Variants in RHBDD1 observed in about 807,000 individuals in gnomAD.
The protein encoded by RHBDD1 is rhomboid-related protein 4.
Under a neutral mutation model 36.3 loss-of-function variants are expected in RHBDD1, and 38 were observed. That is an observed-to-expected ratio of 1.05 (90% CI 0.81 to 1.37). RHBDD1 has a LOEUF of 1.37. Among genes scored for constraint, RHBDD1 ranks in the 40% most tolerant of loss-of-function variants. RHBDD1 has a pLI of 0.00. For missense variants in RHBDD1, 393 were observed against 377.6 expected (o/e 1.04, Z -0.34); for synonymous variants, 151 against 136.5 (o/e 1.11, Z -0.74).
chr2:226,881,990 G>C (rs1415645889), intron 5 of RHBDD1, among the ~76,000 whole-genome samples: 1 of 152,188 alleles, frequency 6.6e-6, no homozygotes, highest in Non-Finnish European at 1.5e-5. Context: ...TATAGTAATA[G>C]ACCTTAACTA....
chr2:226,879,929 T>C (rs1249549933), intron 5 of RHBDD1, among the ~76,000 whole-genome samples: 1 of 152,186 alleles, frequency 6.6e-6, no homozygotes, highest in Non-Finnish European at 1.5e-5. Context: ...GTCTCAGATT[T>C]AGGTTTCTAA....
chr2:226,912,411 A>G (rs1164614156), intron 7 of RHBDD1, among the ~76,000 whole-genome samples: 5 of 152,208 alleles, frequency 3.3e-5, no homozygotes, highest in African/African-American at 4.8e-5. Context: ...ACAAATGTTT[A>G]TAGCAGCATT....
intron 5 of RHBDD1, among the ~76,000 whole-genome samples, chr2:226,900,312 G>A (rs1359256708): frequency 2.0e-5 from 3 of 152,086 alleles, no homozygotes; most frequent in Non-Finnish European, 4.4e-5. Flanking sequence ...GAATCGTGAC[G>A]TTATTGGTTA....
chr2:226,937,462 C>T (rs2149134036), intron 8 of RHBDD1, among the ~76,000 whole-genome samples: 1 of 151,994 alleles, frequency 6.6e-6, no homozygotes. Flanking sequence ...TTCAGGGGTA[C>T]ATGTGCAGGA....
chr2:226,952,354 A>G (rs921226970), intron 8 of RHBDD1, among the ~76,000 whole-genome samples: 5 of 136,358 alleles, frequency 3.7e-5, no homozygotes, highest in Non-Finnish European at 6.1e-5. Flanking sequence ...CTGGAGTGCA[A>G]TGGCACTATC....
intron 7 of RHBDD1, among the ~76,000 whole-genome samples, chr2:226,913,650 G>A (rs553069870): frequency 6.6e-6 from 1 of 151,438 alleles, no homozygotes; most frequent in South Asian, 2.1e-4. Context: ...CTTCTTTCTT[G>A]TTTTATCTAG....
chr2:226,993,739 T>C (rs1016621847), intron 8 of RHBDD1, among the ~76,000 whole-genome samples: 4 of 152,136 alleles, frequency 2.6e-5, no homozygotes, highest in African/African-American at 7.2e-5. Context: ...AGCAAAAATA[T>C]AAAAAAGGGG....
chr2:226,857,305 G>A (rs1943427114), intron 3 of RHBDD1, among the ~76,000 whole-genome samples: 1 of 152,142 alleles, frequency 6.6e-6, no homozygotes, highest in Non-Finnish European at 1.5e-5. Context: ...TGTTGAGGAT[G>A]TGGTGAAACT....
At chr2:226,854,786 A>G (rs945595589) in intron 3 of RHBDD1, among the ~76,000 whole-genome samples, 3 of 152,086 alleles carry the variant, frequency 2.0e-5, no homozygotes, top group Admixed American at 2.0e-4. Context: ...GATACTATGC[A>G]GTGTTTTAAC....
the RHBDD1 span, among the ~76,000 whole-genome samples, chr2:226,814,330 A>T: frequency 6.6e-6 from 1 of 152,178 alleles, no homozygotes; most frequent in Non-Finnish European, 1.5e-5. Flanking sequence ...CAGAGCATCT[A>T]GTATCACACT....
rs35327472 is a variant in RHBDD1 at position 226,865,075 on chromosome 2, G to T, written c.382G>T (p.Glu128Ter). 9.9e-6 allele frequency: 16 copies of T among 1,614,092 alleles called. No individual in the cohort carries two copies. The South Asian group carries it at 1.2e-4, about 12-fold the overall frequency. The change falls in exon 4 of 9, where the codon GAA (glutamate) becomes TAA (stop). Residue 128 changes from glutamate to a stop codon, truncating the protein, a stop_gained. Transcript: ENST00000392062. LOFTEE classifies it high-confidence loss of function. ...CCTGCTCTTGCAATTTGCTGTTGCC[G>T]AATTTATGGATGAACCTGACTTCAA... ...VYLLLQFAVA[E>*]FMDEPDFKRS... is the part of the protein sequence containing the mutation.
chr2:226,957,389 A>T (rs1196210123), intron 8 of RHBDD1, among the ~76,000 whole-genome samples: 1 of 152,196 alleles, frequency 6.6e-6, no homozygotes, highest in Non-Finnish European at 1.5e-5. Context: ...CTTCATCAAA[A>T]TTAAAAAATG....
chr2:226,868,095 C>A (rs1026377045), intron 5 of RHBDD1, among the ~76,000 whole-genome samples: 1 of 152,190 alleles, frequency 6.6e-6, no homozygotes, highest in African/African-American at 2.4e-5. Flanking sequence ...TTACTTAACA[C>A]TCAAAATGTG....
At chr2:226,906,599 A>G (rs1186272500) in intron 5 of RHBDD1, 194 bp from the exon 6 acceptor site, 5 of 1,215,160 alleles carry the variant, frequency 4.1e-6, no homozygotes, top group East Asian at 5.1e-5. Flanking sequence ...GGTGGTTGTT[A>G]TTCATTGTAC....
chr2:226,817,267 G>C, the RHBDD1 span, among the ~76,000 whole-genome samples: 1 of 152,166 alleles, frequency 6.6e-6, no homozygotes, highest in Non-Finnish European at 1.5e-5. Context: ...TTTTCTGAGA[G>C]CTAAAAGTTA....
At chr2:226,988,533 T>A in intron 8 of RHBDD1, 1 of 1,467,896 alleles carries the variant, frequency 6.8e-7, no homozygotes, top group Non-Finnish European at 9.0e-7. Context: ...GCCCGCACTG[T>A]GCCAGGCTGG....
rs1207767446 is a variant in RHBDD1, at chr2:226,998,690, C to A, written c.*3168C>A. 2.0e-5 allele frequency: 3 copies of A among 152,172 alleles called. No individual in the cohort carries two copies. The highest frequency in any genetic ancestry group is 6.5e-5 in the Admixed American group (1 of 15,290). 9.4% of individuals were successfully genotyped at this position (152,172 alleles called of 1,614,324 possible). ...TGTTCAATACTTAACAATACCTCCT[C>A]ACTCAATTCTACATAACTCCAGCTT... On this transcript the variant is annotated 3_prime_UTR_variant, in exon 9 of 9. Coordinates refer to ENST00000392062, the MANE Select transcript of RHBDD1 (RefSeq NM_001167608.3).
intron 5 of RHBDD1, 148 bp downstream of exon 5, chr2:226,867,466 G>A (rs1235993949): frequency 8.2e-7 from 1 of 1,215,506 alleles, no homozygotes; most frequent in Non-Finnish European, 1.1e-6. Flanking sequence ...TAGTTTTAAT[G>A]TCAGATATTT....
intron 8 of RHBDD1, among the ~76,000 whole-genome samples, chr2:226,989,690 A>G (rs779833782): frequency 1.4e-4 from 21 of 152,152 alleles, no homozygotes; most frequent in Non-Finnish European, 5.9e-5. Flanking sequence ...GACATAGTGG[A>G]CCTGATGTTA....
Sources: allele counts gnomAD v4.1 joint callset (sites outside exome capture counted in the v4.1 genomes callset), GRCh38; gene constraint gnomAD v4.1.1; transcripts MANE v1.5; gene names NCBI Gene and HGNC (gene_info 2026-07-23, HGNC 2026-07-21).